Variants in PTPA observed in about 807,000 individuals in gnomAD.
The protein encoded by PTPA is protein phosphatase 2 phosphatase activator.
In PTPA, 13 loss-of-function variants were observed where a neutral mutation model predicts 43.6. The observed-to-expected ratio is 0.30, with a 90% confidence interval of 0.19 to 0.47. The LOEUF is 0.47. Ranked by LOEUF, PTPA falls within the 20% of genes least tolerant of loss-of-function variation. PTPA has a pLI of 0.99. For synonymous variants in PTPA, 172 were observed against 158.2 expected (o/e 1.09, Z -0.66); for missense variants, 329 against 411.9 (o/e 0.80, Z 1.74).
chr9:129,111,627 G>T lies in PTPA; in HGVS notation c.27G>T (p.Pro9=). The T allele has an allele frequency of 7.8e-7, 1 of 1,275,640 alleles. No individual in the cohort carries two copies. The highest frequency in any genetic ancestry group is 1.5e-5 in the African/African-American group (1 of 64,744). 79.0% of individuals were successfully genotyped at this position (1,275,640 alleles called of 1,614,324 possible). A position where few individuals can be genotyped will look rare whatever the true frequency, so the allele number is the denominator to read the frequency against. The part of the protein sequence containing the change: MAEGERQP[P]PDSSEEAPPA... ...TGGCTGAGGGCGAGCGGCAGCCGCC[G>T]CCAGGTAAGGCCGGCGGGGCCAGGC... Residue 9 remains proline (P), a synonymous_variant, in exon 1 of 10, where the codon CCG becomes CCT. Transcript: ENST00000393370.
At chr9:129,144,620 TC>T (rs34491257) in intron 9 of PTPA, among the ~76,000 whole-genome samples, 9 of 150,804 alleles carry the variant, frequency 6.0e-5, no homozygotes, top group African/African-American at 2.0e-4. Flanking sequence ...GTGCCTGTAG[TC>T]CCAGCTACTC....
chr9:129,117,446 C>T (rs565675996), intron 1 of PTPA, among the ~76,000 whole-genome samples: 2 of 152,198 alleles, frequency 1.3e-5, no homozygotes, highest in Admixed American at 1.3e-4. Context: ...CTGTGTTGCC[C>T]AGGCTGGAGT....
At chr9:129,123,004 G>T in intron 2 of PTPA, 48 bp from the exon 3 acceptor site, 1 of 1,451,098 alleles carries the variant, frequency 6.9e-7, no homozygotes, top group Non-Finnish European at 9.5e-7. Context: ...TGGGGCGGGG[G>T]GGTCTGCCAC....
chr9:129,111,162 C>G, upstream of PTPA: 1 of 1,190,234 alleles, frequency 8.4e-7, no homozygotes, highest in Middle Eastern at 2.6e-4. Context: ...GTACCACCCA[C>G]AAAGATGACA....
In PTPA at chr9:129,114,318, C is replaced by T. The variant is rs776701923; in HGVS notation, c.31+2687C>T. Among the ~76,000 whole-genome samples, 6 of 152,332 alleles carry T rather than the reference C, an allele frequency of 3.9e-5. No homozygotes were observed. The South Asian group carries it at 6.2e-4, about 16-fold the overall frequency. On this transcript the variant is annotated intron_variant, in intron 1 of 9. Coordinates refer to ENST00000393370, the MANE Select transcript of PTPA (RefSeq NM_178000.3). ...GATTACAGGCGTGAGCCACCGCGCC[C>T]GGCGAGAAGTTCTTAATGTAATGAT...
chr9:129,147,821 A>G lies in PTPA; in HGVS notation c.*357A>G, dbSNP rs1305809293. 6 of 255,824 alleles carry G rather than the reference A, an allele frequency of 2.3e-5. No homozygotes were observed. The South Asian group carries it at 2.7e-4, about 12-fold the overall frequency. 15.8% of individuals were successfully genotyped at this position (255,824 alleles called of 1,614,324 possible). A position where few individuals can be genotyped will look rare whatever the true frequency, so the allele number is the denominator to read the frequency against. ...GGGCTGTTCTGCAGCACCGCAGGGA[A>G]GGGAGGAGAGATACCTGCTGCTTCC... On this transcript the variant is annotated 3_prime_UTR_variant, in exon 10 of 10. Transcript: ENST00000393370.
chr9:129,116,546 C>T (rs571632151), intron 1 of PTPA, among the ~76,000 whole-genome samples: 26 of 152,216 alleles, frequency 1.7e-4, no homozygotes, highest in South Asian at 4.1e-4. Flanking sequence ...CCACCATGCC[C>T]GGCTAATTTT....
At chr9:129,141,716 G>C (rs1850850014) in intron 8 of PTPA, 1 of 152,338 alleles carries the variant, frequency 6.6e-6, no homozygotes, top group Non-Finnish European at 1.5e-5. Context: ...GCCTCTTTCA[G>C]CTGCTGTGGC....
chr9:129,116,089 C>T (rs1175918596), intron 1 of PTPA, among the ~76,000 whole-genome samples: 2 of 146,536 alleles, frequency 1.4e-5, no homozygotes, highest in East Asian at 4.3e-4. Context: ...GGCGCGACCT[C>T]GGCTCACTGC....
intron 8 of PTPA, chr9:129,140,079 C>T: frequency 6.6e-6 from 1 of 152,566 alleles, no homozygotes; most frequent in Non-Finnish European, 1.5e-5. Flanking sequence ...GCCCATCCCC[C>T]CAGTTACTGA....
chr9:129,146,789 G>A (rs1395488162), intron 9 of PTPA, among the ~76,000 whole-genome samples: 1 of 152,198 alleles, frequency 6.6e-6, no homozygotes, highest in Non-Finnish European at 1.5e-5. Context: ...CTGGGCTCAG[G>A]GAGTCGGGCC....
At chr9:129,128,569 G>A (rs1849740353) in intron 3 of PTPA, among the ~76,000 whole-genome samples, 1 of 151,416 alleles carries the variant, frequency 6.6e-6, no homozygotes, top group South Asian at 2.1e-4. Flanking sequence ...GTGTATTTCT[G>A]GGTGGCAGGA....
intron 3 of PTPA, among the ~76,000 whole-genome samples, chr9:129,128,508 C>T (rs1157418564): frequency 6.7e-6 from 1 of 149,368 alleles, no homozygotes. Flanking sequence ...TGCACTCCAG[C>T]CTGGGCAACA....
At chr9:129,129,495 A>G (rs1160437388) in intron 4 of PTPA, among the ~76,000 whole-genome samples, 4 of 150,256 alleles carry the variant, frequency 2.7e-5, no homozygotes, top group African/African-American at 9.8e-5. Flanking sequence ...TTTTAGACGG[A>G]GTCTCGCTGT....
rs549628194 is a variant in PTPA at position 129,147,558 on chromosome 9, G to C, written c.*94G>C. On this transcript the variant is annotated 3_prime_UTR_variant, in exon 10 of 10. Transcript: ENST00000393370. ...CCCTCCCCATCCCCTCCCTCTGTTC[G>C]TCCCGTTTGATGAGAGGCTGTTTAC... The C allele has an allele frequency of 2.2e-6, 3 of 1,335,142 alleles. No homozygotes were observed. The highest frequency in any genetic ancestry group is 1.4e-5 in the African/African-American group (1 of 69,466). 82.7% of individuals were successfully genotyped at this position (1,335,142 alleles called of 1,614,324 possible).
chr9:129,127,971 A>G (rs537270150), intron 3 of PTPA: 7 of 1,333,828 alleles, frequency 5.2e-6, no homozygotes, highest in Non-Finnish European at 7.0e-6. Flanking sequence ...TAGATGTGGA[A>G]TGAGGTTCAT....
intron 5 of PTPA, 43 bp from the exon 6 acceptor site, chr9:129,134,752 T>C: frequency 6.7e-7 from 1 of 1,496,924 alleles, no homozygotes; most frequent in East Asian, 2.3e-5. Flanking sequence ...ATCCCAGTCC[T>C]TTACCTGGAC....
intron 6 of PTPA, 104 bp downstream of exon 6, chr9:129,134,998 T>G (rs1365216180): frequency 1.1e-6 from 1 of 918,240 alleles, no homozygotes; most frequent in Non-Finnish European, 1.7e-6. Flanking sequence ...GAGTAGCTCA[T>G]GGTTCTCTTG....
At chr9:129,146,806 G>C (rs1536549) in intron 9 of PTPA, among the ~76,000 whole-genome samples, 151,737 of 152,368 alleles carry the variant, frequency 1, 75,561 homozygotes, top group Middle Eastern at 1. Flanking sequence ...GGCCTCCCCC[G>C]TGCTCAGCCA....
Sources: allele counts gnomAD v4.1 joint callset (sites outside exome capture counted in the v4.1 genomes callset), GRCh38; gene constraint gnomAD v4.1.1; transcripts MANE v1.5; gene names NCBI Gene and HGNC (gene_info 2026-07-23, HGNC 2026-07-21).